Variants in NRIP1 observed in about 807,000 individuals in gnomAD.
NRIP1 encodes the protein nuclear receptor interacting protein 1.
NRIP1 carries 28 observed loss-of-function variants against 75.0 expected under a neutral mutation model. The ratio of observed to expected loss-of-function variants is 0.37; its 90% confidence interval spans 0.28 to 0.51. The LOEUF is 0.51. Among genes scored for constraint, NRIP1 ranks in the 20% least tolerant of loss-of-function variants. The pLI, the probability that NRIP1 is intolerant of heterozygous loss-of-function variation, is 0.92. For missense variants in NRIP1, 1,435 were observed against 1,343.7 expected, an observed-to-expected ratio of 1.07 and a Z score of -1.06; for synonymous variants, 526 against 487.6, an observed-to-expected ratio of 1.08 and a Z score of -1.04.
At position 14,967,062 on chromosome 21, in the gene NRIP1, A is replaced by G. The variant is rs1453394004; in HGVS notation, c.1131T>C (p.Asn377=). 1 of 1,614,166 alleles carries G rather than the reference A, an allele frequency of 6.2e-7. No individual in the cohort carries two copies. The highest frequency in any genetic ancestry group is 1.1e-5 in the South Asian group (1 of 91,074). The change falls in exon 4 of 4, where the codon AAT becomes AAC. Residue 377 remains asparagine (N), a synonymous_variant. Coordinates refer to ENST00000318948, the MANE Select transcript of NRIP1 (RefSeq NM_003489.4). ...ERNNIKQAAN[N]SLLLHLLKSQ... The stretch of plus-strand genomic sequence containing the variant: ...TTTTAAGAAGATGTAAAAGCAAACT[A>G]TTGTTAGCAGCTTGTTTTATATTGT...
rs567962598 is a variant in NRIP1, at chr21:14,965,914, C to T, written c.2279G>A (p.Cys760Tyr). Reference protein sequence around the residue: ...ILMVKIKSEPCDDLQIPNTNV... With the variant: ...ILMVKIKSEPYDDLQIPNTNV... Reference sequence around the variant, plus strand: ...TGTGTTAGGAATTTGTAAGTCATCACAAGGCTCAGATTTTATTTTCACCAT... The same window carrying T: ...TGTGTTAGGAATTTGTAAGTCATCATAAGGCTCAGATTTTATTTTCACCAT... Residue 760 changes from cysteine to tyrosine, a missense_variant, in exon 4 of 4, where the codon TGT becomes TAT. Coordinates refer to ENST00000318948, the MANE Select transcript of NRIP1 (RefSeq NM_003489.4). The T allele has an allele frequency of 8.7e-6, 14 of 1,614,112 alleles. No homozygotes were observed. The highest frequency in any genetic ancestry group is 3.3e-4 in the Middle Eastern group (2 of 6,062).
Position 14,964,986 on chromosome 21 carries a change from A to G in NRIP1, c.3207T>C (p.Tyr1069=). Reference sequence around the variant, plus strand: ...AATTGCCTCCTTTTTGAAGCATGTAATATAGTATTGGGTTGGTTTTGGTCA... The same window carrying G: ...AATTGCCTCCTTTTTGAAGCATGTAGTATAGTATTGGGTTGGTTTTGGTCA... ...PRLTKTNPIL[Y]YMLQKGGNSV... is the part of the protein sequence containing the mutation. Residue 1069 remains tyrosine, a synonymous_variant, in exon 4 of 4, where the codon TAT becomes TAC. Transcript: ENST00000318948. 1 of 1,613,944 alleles carries G rather than the reference A, an allele frequency of 6.2e-7. No homozygotes were observed. The highest frequency in any genetic ancestry group is 8.5e-7 in the Non-Finnish European group (1 of 1,179,900).
chr21:14,986,480 A>G (rs1469179949), intron 3 of NRIP1, among the ~76,000 whole-genome samples: 1 of 152,198 alleles, frequency 6.6e-6, no homozygotes, highest in African/African-American at 2.4e-5. Context: ...CCTCTTTCAA[A>G]GAGTTTCAGA....
At position 14,966,553 on chromosome 21, in the gene NRIP1, C is replaced by T. The variant is rs779918564; in HGVS notation, c.1640G>A (p.Arg547Gln). The T allele has an allele frequency of 8.1e-6, 13 of 1,613,972 alleles. No homozygotes were observed. The highest frequency in any genetic ancestry group is 5.5e-5 in the South Asian group (5 of 91,064). The change falls in exon 4 of 4, where the codon CGG becomes CAG. Residue 547 changes from arginine to glutamine, a missense_variant. Physicochemically the swap from Arg to Gln is conservative, Grantham distance 43. Transcript: ENST00000318948. ...AGGTGGAGTGCTCACTGGAGTAGTC[C>T]GATTTGTACTGGGGCTTTCTATCAC... ...TSVIESPSTN[R>Q]TTPVSTPPLL...
At chr21:15,061,320 T>A (rs2089419239) in intron 1 of NRIP1, among the ~76,000 whole-genome samples, 1 of 152,152 alleles carries the variant, frequency 6.6e-6, no homozygotes, top group Admixed American at 6.5e-5. Context: ...CCACTCTGAT[T>A]GTGTATCAAT....
At chr21:14,995,314 G>A (rs923744102) in intron 3 of NRIP1, among the ~76,000 whole-genome samples, 2 of 152,220 alleles carry the variant, frequency 1.3e-5, no homozygotes, top group South Asian at 2.1e-4. Context: ...GGGAGAAGGA[G>A]TCCTACTGCA....
At chr21:14,984,104 T>G (rs1202963129) in intron 3 of NRIP1, among the ~76,000 whole-genome samples, 1 of 152,190 alleles carries the variant, frequency 6.6e-6, no homozygotes, top group Non-Finnish European at 1.5e-5. Flanking sequence ...ATTCCTCTGA[T>G]TGGATCTGGG....
intron 2 of NRIP1, among the ~76,000 whole-genome samples, chr21:15,020,524 A>C (rs1243252462): frequency 6.6e-6 from 1 of 152,238 alleles, no homozygotes; most frequent in Non-Finnish European, 1.5e-5. Flanking sequence ...TATGACCTTA[A>C]GTTACAGAAA....
intron 2 of NRIP1, among the ~76,000 whole-genome samples, chr21:15,021,269 G>C (rs2088366807): frequency 6.6e-6 from 1 of 152,186 alleles, no homozygotes; most frequent in African/African-American, 2.4e-5. Flanking sequence ...AATGCTTAGT[G>C]AAAGAAGCTA....
chr21:14,969,103 C>G (rs988969334), intron 3 of NRIP1, among the ~76,000 whole-genome samples: 2 of 152,166 alleles, frequency 1.3e-5, no homozygotes, highest in Non-Finnish European at 2.9e-5. Context: ...AAACCACTAA[C>G]AAGTTGAAGA....
rs565373678 is a variant in NRIP1, at chr21:14,973,192, G to C, written c.-334-4666C>G. On this transcript the variant is annotated intron_variant, in intron 3 of 3. Coordinates refer to ENST00000318948, the MANE Select transcript of NRIP1 (RefSeq NM_003489.4). ...AAATAACTTCTAAGTAAAGAAAACA[G>C]AACTTTTCTAGAATTTGGCTTATGG... Among the ~76,000 whole-genome samples, 14 of 151,428 alleles carry C rather than the reference G, an allele frequency of 9.2e-5. No individual in the cohort carries two copies. In the South Asian group the frequency reaches 1.7e-3, roughly 18 times the overall value.
At chr21:15,023,179 C>A (rs768985705) in intron 2 of NRIP1, among the ~76,000 whole-genome samples, 11 of 152,112 alleles carry the variant, frequency 7.2e-5, no homozygotes, top group African/African-American at 2.7e-4. Flanking sequence ...ATAAAAACTA[C>A]GGAACTGAAC....
intron 2 of NRIP1, among the ~76,000 whole-genome samples, chr21:15,040,811 A>G (rs1026818438): frequency 3.3e-5 from 5 of 152,124 alleles, no homozygotes; most frequent in African/African-American, 1.2e-4. Context: ...GGGAAAATTT[A>G]AATAACTCCT....
At chr21:14,995,850 C>T (rs559333716) in intron 3 of NRIP1, among the ~76,000 whole-genome samples, 2 of 152,104 alleles carry the variant, frequency 1.3e-5, no homozygotes, top group South Asian at 2.1e-4. Context: ...ACAGCCAATG[C>T]TCTTTGTAAA....
At chr21:15,019,075 A>G (rs2088304857) in intron 2 of NRIP1, among the ~76,000 whole-genome samples, 1 of 151,020 alleles carries the variant, frequency 6.6e-6, no homozygotes, top group African/African-American at 2.4e-5. Flanking sequence ...CGAGATAATC[A>G]TGTGAGTTTT....
chr21:15,027,816 A>G (rs1722484695), intron 2 of NRIP1, among the ~76,000 whole-genome samples: 1 of 152,184 alleles, frequency 6.6e-6, no homozygotes, highest in African/African-American at 2.4e-5. Flanking sequence ...TTGGTCACAC[A>G]GGCCAGCAAT....
At chr21:14,983,656 T>C (rs2087309377) in intron 3 of NRIP1, among the ~76,000 whole-genome samples, 1 of 152,218 alleles carries the variant, frequency 6.6e-6, no homozygotes, top group African/African-American at 2.4e-5. Flanking sequence ...GGTCAATATC[T>C]GGCTTCAAAG....
intron 2 of NRIP1, among the ~76,000 whole-genome samples, chr21:15,026,489 A>G (rs2088524017): frequency 6.6e-6 from 1 of 152,230 alleles, no homozygotes; most frequent in Non-Finnish European, 1.5e-5. Context: ...ATTATTTCAT[A>G]TAATTGAGCA....
chr21:15,015,418 A>T (rs2088201687), intron 2 of NRIP1, among the ~76,000 whole-genome samples: 1 of 152,212 alleles, frequency 6.6e-6, no homozygotes, highest in Non-Finnish European at 1.5e-5. Context: ...TGTAACAAAA[A>T]TTAAATGCCT....
Sources: allele counts gnomAD v4.1 joint callset (sites outside exome capture counted in the v4.1 genomes callset), GRCh38; gene constraint gnomAD v4.1.1; transcripts MANE v1.5; gene names NCBI Gene and HGNC (gene_info 2026-07-23, HGNC 2026-07-21).